Variants in KCNH1 observed in about 807,000 individuals in gnomAD.
KCNH1 encodes the protein potassium voltage-gated channel subfamily H member 1.
In KCNH1, 27 loss-of-function variants were observed where a neutral mutation model predicts 69.2. The ratio of observed to expected loss-of-function variants is 0.39; its 90% CI spans 0.29 to 0.54. The LOEUF (loss-of-function observed/expected upper bound fraction) is 0.54. Among genes scored for constraint, KCNH1 ranks in the 20% least tolerant of loss-of-function variants. The pLI, the probability that KCNH1 is intolerant of heterozygous loss-of-function variation, is 0.68. For synonymous variants in KCNH1, 456 were observed against 487.7 expected (o/e 0.93, Z 0.86); for missense variants, 798 against 1,261.6 (o/e 0.63, Z 5.57).
At chr1:211,014,338 G>A (rs562983043) in intron 6 of KCNH1, among the ~76,000 whole-genome samples, 24 of 152,236 alleles carry the variant, frequency 1.6e-4, no homozygotes, top group Non-Finnish European at 2.8e-4. Flanking sequence ...GCTTTAGTTC[G>A]CTCTGTTTCC....
chr1:210,695,711 C>T (rs1290392580), intron 10 of KCNH1, among the ~76,000 whole-genome samples: 1 of 151,758 alleles, frequency 6.6e-6, no homozygotes, highest in Non-Finnish European at 1.5e-5. Context: ...ACTTCTTTGT[C>T]TTTGTCTATT....
intron 7 of KCNH1, among the ~76,000 whole-genome samples, chr1:210,889,911 A>C (rs1686708577): frequency 6.6e-6 from 1 of 152,222 alleles, no homozygotes; most frequent in Non-Finnish European, 1.5e-5. Flanking sequence ...AATAAATGGA[A>C]GAATATTCCA....
chr1:211,023,502 A>G (rs1689628166), intron 5 of KCNH1, among the ~76,000 whole-genome samples: 1 of 151,656 alleles, frequency 6.6e-6, no homozygotes, highest in Admixed American at 6.6e-5. Context: ...TGTCATTTGC[A>G]GCTCCATGGA....
intron 10 of KCNH1, among the ~76,000 whole-genome samples, chr1:210,689,427 G>A (rs2149004145): frequency 6.6e-6 from 1 of 152,312 alleles, no homozygotes; most frequent in African/African-American, 2.4e-5. Flanking sequence ...GGAGGGGAAT[G>A]GACTTGCTGG....
At chr1:211,057,527 T>G (rs1690335272) in intron 5 of KCNH1, among the ~76,000 whole-genome samples, 1 of 152,020 alleles carries the variant, frequency 6.6e-6, no homozygotes, top group Non-Finnish European at 1.5e-5. Context: ...TAGTCCCAGT[T>G]ACTTGGGAGG....
At chr1:210,766,354 C>T (rs573697815) in intron 10 of KCNH1, among the ~76,000 whole-genome samples, 40 of 152,166 alleles carry the variant, frequency 2.6e-4, no homozygotes, top group Non-Finnish European at 4.7e-4. Flanking sequence ...GGAGAAACCC[C>T]GTCTCTACTA....
intron 6 of KCNH1, among the ~76,000 whole-genome samples, chr1:211,008,883 A>G (rs1427103392): frequency 6.6e-6 from 1 of 152,262 alleles, no homozygotes; most frequent in East Asian, 1.9e-4. Context: ...CAAAGCCTAT[A>G]TCAGATTATG....
chr1:210,936,658 C>T (rs1432104469), intron 6 of KCNH1, among the ~76,000 whole-genome samples: 1 of 152,134 alleles, frequency 6.6e-6, no homozygotes, highest in Non-Finnish European at 1.5e-5. Context: ...ATTTCTTGGC[C>T]CCTCCCTTAC....
intron 6 of KCNH1, among the ~76,000 whole-genome samples, chr1:210,997,920 T>C (rs1689084755): frequency 6.6e-6 from 1 of 152,134 alleles, no homozygotes; most frequent in South Asian, 2.1e-4. Flanking sequence ...CTAAGCTTCA[T>C]AAGTGAAGGA....
intron 10 of KCNH1, among the ~76,000 whole-genome samples, chr1:210,748,578 A>G (rs1157918446): frequency 6.6e-6 from 1 of 152,236 alleles, no homozygotes; most frequent in African/African-American, 2.4e-5. Context: ...AATCATAATA[A>G]TAACTCTATC....
At chr1:210,886,870 A>G (rs1686620766) in intron 7 of KCNH1, among the ~76,000 whole-genome samples, 1 of 152,168 alleles carries the variant, frequency 6.6e-6, no homozygotes, top group Admixed American at 6.5e-5. Flanking sequence ...ATGAATGAAC[A>G]AAGCCTATAA....
Position 210,784,948 on chromosome 1 carries a change from G to A in KCNH1, c.1916-9404C>T, listed in dbSNP as rs186046467. On this transcript the variant is annotated intron_variant, in intron 9 of 10. Coordinates refer to ENST00000271751, the MANE Select transcript of KCNH1 (RefSeq NM_172362.3). ...GTTTTGTGTTACCATCTCTCTCCAC[G>A]CAGTTCAGCCCAGTTCAACAACCTG... 1.1e-4 allele frequency among the ~76,000 whole-genome samples: 17 copies of A among 152,200 alleles called. No homozygotes were observed. In the East Asian group the frequency reaches 2.5e-3, roughly 23 times the overall value.
intron 8 of KCNH1, among the ~76,000 whole-genome samples, chr1:210,798,921 C>A (rs1312103548): frequency 1.3e-5 from 2 of 152,120 alleles, no homozygotes; most frequent in African/African-American, 4.8e-5. Context: ...ATCATTCATT[C>A]ATTTAATACT....
chr1:210,967,837 A>G (rs1472588641), intron 6 of KCNH1, among the ~76,000 whole-genome samples: 2 of 152,068 alleles, frequency 1.3e-5, no homozygotes, highest in Non-Finnish European at 2.9e-5. Flanking sequence ...AAGCTATGAC[A>G]GTGAACATTG....
In KCNH1 at chr1:210,678,315, C is replaced by T. The variant is rs1681183860; in HGVS notation, c.*4966G>A. 1 of 152,030 alleles carries T rather than the reference C, an allele frequency of 6.6e-6. No homozygotes were observed. Among genetic ancestry groups the T allele is most frequent in the Non-Finnish European group, 1.5e-5 (1 of 68,006 alleles). 9.4% of individuals were successfully genotyped at this position (152,030 alleles called of 1,614,324 possible). ...TGTAAGGAAAGGCAAAAGCAAGTAT[C>T]ATGTATAAAATAGTTTATTACCATA... On this transcript the variant is annotated 3_prime_UTR_variant, in exon 11 of 11. Coordinates refer to ENST00000271751, the MANE Select transcript of KCNH1 (RefSeq NM_172362.3).
chr1:210,724,321 G>T (rs989254241), intron 10 of KCNH1, among the ~76,000 whole-genome samples: 7 of 152,052 alleles, frequency 4.6e-5, no homozygotes, highest in African/African-American at 1.4e-4. Flanking sequence ...GCTCCTGGAT[G>T]ATTTCAATGT....
chr1:211,073,712 G>A (rs1270716659), intron 5 of KCNH1, among the ~76,000 whole-genome samples: 1 of 152,054 alleles, frequency 6.6e-6, no homozygotes, highest in Admixed American at 6.5e-5. Context: ...TGCAGCAAAA[G>A]CAGTGTTTAG....
intron 7 of KCNH1, among the ~76,000 whole-genome samples, chr1:210,807,498 G>C (rs1232523170): frequency 6.6e-6 from 1 of 152,024 alleles, no homozygotes; most frequent in Non-Finnish European, 1.5e-5. Flanking sequence ...TGTAGTCCCA[G>C]CAACTTGGAA....
In KCNH1 at chr1:211,036,256, G is replaced by A. The variant is rs148219114; in HGVS notation, c.559-17000C>T. Among the ~76,000 whole-genome samples the A allele has an allele frequency of 8.7e-4, 132 of 152,190 alleles. 1 individual carries two copies. The highest frequency in any genetic ancestry group is 2.2e-3 in the Admixed American group (33 of 15,288). On this transcript the variant is annotated intron_variant, in intron 5 of 10. Transcript: ENST00000271751. Reference sequence around the variant, plus strand: ...GGTTAGGCAATCATGATGGGTGAGAGGTCTGGCAACTCATTGTCCAGATGC... The same window carrying A: ...GGTTAGGCAATCATGATGGGTGAGAAGTCTGGCAACTCATTGTCCAGATGC...
Sources: allele counts gnomAD v4.1 joint callset (sites outside exome capture counted in the v4.1 genomes callset), GRCh38; gene constraint gnomAD v4.1.1; transcripts MANE v1.5; gene names NCBI Gene and HGNC (gene_info 2026-07-23, HGNC 2026-07-21).